Variants in TACC2 observed in about 807,000 individuals in gnomAD.
The protein encoded by TACC2 is transforming acidic coiled-coil containing protein 2, also known as transforming acidic coiled-coil-containing protein 2.
TACC2 carries 137 observed loss-of-function variants against 227.3 expected under a neutral mutation model. That is an observed-to-expected ratio of 0.60 (90% CI 0.52 to 0.69). TACC2 has a LOEUF of 0.69. TACC2 is among the 30% of genes least tolerant of loss of function. TACC2 has a pLI of 0.00. For synonymous variants in TACC2, 1,523 were observed against 1,487.5 expected (o/e 1.02, Z -0.55); for missense variants, 3,470 against 3,694.4 (o/e 0.94, Z 1.57).
chr10:122,226,559 T>G, intron 13 of TACC2, 78 bp downstream of exon 13: 1 of 1,065,832 alleles, frequency 9.4e-7, no homozygotes, highest in Non-Finnish European at 1.4e-6. Context: ...GCTGTTATTT[T>G]GACTTCATTT....
intron 7 of TACC2, among the ~76,000 whole-genome samples, chr10:122,188,776 A>T (rs2094306765): frequency 6.6e-6 from 1 of 152,194 alleles, no homozygotes; most frequent in African/African-American, 2.4e-5. Flanking sequence ...GTAACATCAC[A>T]ACATAGCCAC....
intron 3 of TACC2, among the ~76,000 whole-genome samples, chr10:122,080,346 C>T (rs761204284): frequency 3.3e-5 from 5 of 151,904 alleles, no homozygotes; most frequent in Admixed American, 6.6e-5. Flanking sequence ...GATCCTCCCA[C>T]GTCAGCCTCC....
rs890366756 is a variant in TACC2 at position 122,095,307 on chromosome 10, G to C, written c.5573+6716G>C. ...GGCCTCAAGAGTTGACAGGGCTCAG[G>C]TTCTAGCTCTGTGATCCTGGGGCCA... On this transcript the variant is annotated intron_variant, in intron 5 of 22. Transcript: ENST00000369005. 2.0e-5 allele frequency among the ~76,000 whole-genome samples: 3 copies of C among 152,200 alleles called. 1 individual carries two copies. The highest frequency in any genetic ancestry group is 2.9e-5 in the Non-Finnish European group (2 of 68,044).
At chr10:122,065,943 T>C (rs2077328002) in intron 3 of TACC2, among the ~76,000 whole-genome samples, 2 of 152,212 alleles carry the variant, frequency 1.3e-5, no homozygotes, top group African/African-American at 4.8e-5. Context: ...TTAAATAATA[T>C]AGACACAACA....
intron 1 of TACC2, among the ~76,000 whole-genome samples, chr10:121,989,945 A>G (rs7079697): frequency 0.71 from 108,387 of 151,852 alleles, 38,839 homozygotes; most frequent in African/African-American, 0.77. Flanking sequence ...TTATGTTACC[A>G]CCTCGACACT....
chr10:122,047,016 C>T (rs541569662), intron 2 of TACC2, among the ~76,000 whole-genome samples: 2 of 151,900 alleles, frequency 1.3e-5, no homozygotes, highest in Non-Finnish European at 2.9e-5. Context: ...GAATCTTGGC[C>T]GGGTGTGGTG....
intron 5 of TACC2, among the ~76,000 whole-genome samples, chr10:122,107,992 C>T (rs371830679): frequency 4.7e-5 from 7 of 148,278 alleles, no homozygotes; most frequent in Non-Finnish European, 1.0e-4. Context: ...CCTGGGTTCA[C>T]GCCATTCTCC....
intron 3 of TACC2, among the ~76,000 whole-genome samples, chr10:122,071,009 C>T (rs1385071532): frequency 6.6e-6 from 1 of 152,102 alleles, no homozygotes; most frequent in Non-Finnish European, 1.5e-5. Flanking sequence ...AACATAAAAA[C>T]ACCACCAGAA....
At chr10:122,113,266 G>A (rs1248497692) in intron 5 of TACC2, 1 of 152,358 alleles carries the variant, frequency 6.6e-6, no homozygotes, top group Non-Finnish European at 1.5e-5. Context: ...GGCGGCCGGG[G>A]TCAGAAGATG....
intron 3 of TACC2, among the ~76,000 whole-genome samples, chr10:122,072,064 C>T (rs1311737600): frequency 6.7e-6 from 1 of 148,908 alleles, no homozygotes; most frequent in African/African-American, 2.5e-5. Context: ...CTGCAAGCTC[C>T]TCCTCTCGGG....
At chr10:122,095,609 A>C (rs10082411) in intron 5 of TACC2, among the ~76,000 whole-genome samples, 94,902 of 152,116 alleles carry the variant, frequency 0.62, 31,263 homozygotes, top group Middle Eastern at 0.75. Context: ...GTCAAGGTCA[A>C]AAAGCTAATA....
rs373598465 is a variant in TACC2 at position 122,086,668 on chromosome 10, G to T, written c.4168G>T (p.Gly1390Cys). The change falls in exon 4 of 23, where the codon GGT (glycine) becomes TGT (cysteine). Residue 1390 changes from glycine to cysteine, a missense_variant. Transcript: ENST00000369005. ...CCAGGACCCAAAGCAGGGCACATCA[G>T]GTGGTGTGGACACAAGCTCTGAGCA... The part of the protein sequence containing the change: ...PSQDPKQGTS[G>C]GVDTSSEQIA... 6.2e-7 allele frequency: 1 copy of T among 1,612,258 alleles called. No homozygotes were observed. The highest frequency in any genetic ancestry group is 8.5e-7 in the Non-Finnish European group (1 of 1,179,074).
intron 5 of TACC2, 71 bp from the exon 6 acceptor site, chr10:122,132,538 A>C (rs2088524379): frequency 6.3e-7 from 1 of 1,593,896 alleles, no homozygotes; most frequent in Admixed American, 1.7e-5. Context: ...AAGAAAAGCG[A>C]AACTCCGTCT....
intron 1 of TACC2, among the ~76,000 whole-genome samples, chr10:122,016,908 T>C (rs532397214): frequency 2.0e-5 from 3 of 152,284 alleles, no homozygotes; most frequent in African/African-American, 7.2e-5. Flanking sequence ...TAATCCAACA[T>C]GACTGTTGTC....
intron 1 of TACC2, among the ~76,000 whole-genome samples, chr10:122,008,739 A>G (rs1955563831): frequency 6.6e-6 from 1 of 151,358 alleles, no homozygotes; most frequent in African/African-American, 2.4e-5. Flanking sequence ...CACCTGGCTA[A>G]TTTTTGTATT....
At chr10:122,228,238 A>T (rs1412343460) in intron 14 of TACC2, among the ~76,000 whole-genome samples, 1 of 152,186 alleles carries the variant, frequency 6.6e-6, no homozygotes, top group Non-Finnish European at 1.5e-5. Context: ...TAAGTACTTT[A>T]TATGCCTTCA....
chr10:122,248,350 A>G (rs2096175621), intron 19 of TACC2: 2 of 318,746 alleles, frequency 6.3e-6, no homozygotes, highest in South Asian at 1.3e-4. Flanking sequence ...CACCAGGGAC[A>G]CCAATATAGA....
Position 122,132,373 on chromosome 10 carries a change from C to T in TACC2, c.5574-236C>T, listed in dbSNP as rs182113996. 3.0e-3 allele frequency among the ~76,000 whole-genome samples: 450 copies of T among 152,300 alleles called. 2 individuals carry two copies. The highest frequency in any genetic ancestry group is 0.01 in the African/African-American group (433 of 41,556). ...CCTGCCTGGCCAACATGGTGAAACC[C>T]GATCTCTACTAAAAATACAAAAAAA... On this transcript the variant is annotated intron_variant, in intron 5 of 22. Coordinates refer to ENST00000369005, the MANE Select transcript of TACC2 (RefSeq NM_206862.4).
rs747095730 is a variant in TACC2, at chr10:122,086,702, C to T, written c.4202C>T (p.Thr1401Ile). 1.7e-5 allele frequency: 28 copies of T among 1,613,760 alleles called. No individual in the cohort carries two copies. The change falls in exon 4 of 23, where the codon ACC becomes ATC. Residue 1401 changes from threonine (T) to isoleucine (I), a missense_variant. This residue lies in a region of TACC2 where 1,924 missense variants were observed against 1,978.3 expected (regional missense o/e 0.97). Transcript: ENST00000369005. Reference protein sequence around the residue: ...GVDTSSEQIATLTGFPDFREH... With the variant: ...GVDTSSEQIAILTGFPDFREH... ...GACACAAGCTCTGAGCAAATCGCCA[C>T]CCTCACTGGCTTCCCAGACTTCAGG...
Sources: allele counts gnomAD v4.1 joint callset (sites outside exome capture counted in the v4.1 genomes callset), GRCh38; gene constraint gnomAD v4.1.1; regional missense constraint gnomAD v4.1.1; transcripts MANE v1.5; gene names NCBI Gene and HGNC (gene_info 2026-07-23, HGNC 2026-07-21).